IRF4: variants seen among roughly 807,000 people sequenced by gnomAD.
IRF4 encodes the protein interferon regulatory factor 4.
IRF4 carries 13 observed loss-of-function variants against 55.5 expected under a neutral mutation model. That is an observed-to-expected ratio of 0.23 (90% CI 0.15 to 0.37). IRF4 has a LOEUF of 0.37. IRF4 is among the 10% of genes least tolerant of loss of function. The pLI is 1.00. For synonymous variants in IRF4, 249 were observed against 240.7 expected, an observed-to-expected ratio of 1.03 and a Z score of -0.32; for missense variants, 397 against 593.8, an observed-to-expected ratio of 0.67 and a Z score of 3.44.
chr6:398,814 A>C lies in IRF4; in HGVS notation c.638-14A>C, dbSNP rs749637064. 6.2e-7 allele frequency: 1 copy of C among 1,600,474 alleles called. No homozygotes were observed. Among genetic ancestry groups the C allele is most frequent in the South Asian group, 1.1e-5 (1 of 90,528 alleles). On this transcript the variant is annotated splice_polypyrimidine_tract_variant and intron_variant, in intron 5 of 8. Transcript: ENST00000380956. Reference sequence around the variant, plus strand: ...TCTGTCTAGACATCATCTGATTTTTATTTGCAAATGCAGGTTGCCAGGTGA... The same window carrying C: ...TCTGTCTAGACATCATCTGATTTTTCTTTGCAAATGCAGGTTGCCAGGTGA...
intron 6 of IRF4, 25 bp from the exon 7 acceptor site, chr6:401,399 T>C (rs1761396081): frequency 6.3e-7 from 1 of 1,583,234 alleles, no homozygotes; most frequent in Admixed American, 1.7e-5. Flanking sequence ...CCCCCAGCAC[T>C]GACTCCGGAG....
At chr6:404,312 G>A (rs899648525) in intron 7 of IRF4, among the ~76,000 whole-genome samples, 3 of 152,168 alleles carry the variant, frequency 2.0e-5, no homozygotes, top group Admixed American at 2.0e-4. Context: ...GGTAGGTGTG[G>A]TGGCTTCAGG....
chr6:400,461 G>T (rs79222543), intron 6 of IRF4, among the ~76,000 whole-genome samples: 1 of 152,124 alleles, frequency 6.6e-6, no homozygotes, highest in Non-Finnish European at 1.5e-5. Context: ...TTCAGAGAGC[G>T]CAGTTTTAGA....
intron 6 of IRF4, among the ~76,000 whole-genome samples, chr6:399,982 TAAAC>T (rs1761357427): frequency 6.6e-6 from 1 of 152,162 alleles, no homozygotes. Flanking sequence ...GAGTAGGAAA[TAAAC>T]AGCTATTTAT....
At chr6:406,680 G>A (rs1313388663) in intron 8 of IRF4, 3 of 533,288 alleles carry the variant, frequency 5.6e-6, no homozygotes, top group East Asian at 1.3e-4. Flanking sequence ...TGCTGAAGAC[G>A]AGGCTGCGTG....
Position 409,091 on chromosome 6 carries a change from G to T in IRF4, c.*1493G>T, listed in dbSNP as rs1761625686. 4.6e-6 allele frequency: 1 copy of T among 216,740 alleles called. No individual in the cohort carries two copies. The highest frequency in any genetic ancestry group is 6.7e-5 in the East Asian group (1 of 14,896). The allele number at this position is 216,740 out of a possible 1,614,324, so 13.4% of individuals were successfully genotyped here. ...CCCAGGATCAGCAGAAGATTGCGTA[G>T]CTCTCAAATGTGTGTTCCTGCTTTT... On this transcript the variant is annotated 3_prime_UTR_variant, in exon 9 of 9. Transcript: ENST00000380956.
At chr6:392,111 A>C (rs1761118765) in intron 1 of IRF4, among the ~76,000 whole-genome samples, 1 of 152,146 alleles carries the variant, frequency 6.6e-6, no homozygotes, top group Non-Finnish European at 1.5e-5. Flanking sequence ...TCGGGGCCCC[A>C]GGAGTGGCTG....
intron 5 of IRF4, 38 bp from the exon 6 acceptor site, chr6:398,790 C>T (rs182699737): frequency 5.3e-6 from 8 of 1,504,348 alleles, no homozygotes; most frequent in East Asian, 2.3e-5. Context: ...GTCGGACTCT[C>T]TGTCTAGACA....
chr6:391,946 T>C (rs1404970257), intron 1 of IRF4, 137 bp downstream of exon 1: 1 of 433,660 alleles, frequency 2.3e-6, no homozygotes, highest in South Asian at 1.6e-5. Context: ...CGCCCCGTCC[T>C]GGAGCTCCGA....
chr6:407,709 G>C lies in IRF4; in HGVS notation c.*111G>C. ...GCTGGAGTGCAGTGACACAATCTCA[G>C]CTCACTGTGACCTCCGCCTCCTGGG... On this transcript the variant is annotated 3_prime_UTR_variant, in exon 9 of 9. Transcript: ENST00000380956. The C allele has an allele frequency of 9.9e-7, 1 of 1,015,134 alleles. No homozygotes were observed. Among genetic ancestry groups the C allele is most frequent in the Non-Finnish European group, 1.4e-6 (1 of 703,244 alleles). The allele number at this position is 1,015,134 out of a possible 1,614,324, so 62.9% of individuals were successfully genotyped here. A position where few individuals can be genotyped will look rare whatever the true frequency, so the allele number is the denominator to read the frequency against.
At position 393,416 on chromosome 6, in the gene IRF4, G is replaced by C; in HGVS notation, c.216+48G>C. 52 of 816,388 alleles carry C rather than the reference G, an allele frequency of 6.4e-5. No individual in the cohort carries two copies. Among genetic ancestry groups the C allele is most frequent in the Non-Finnish European group, 8.4e-5 (47 of 559,600 alleles). 50.6% of individuals were successfully genotyped at this position (816,388 alleles called of 1,614,324 possible). A position where few individuals can be genotyped will look rare whatever the true frequency, so the allele number is the denominator to read the frequency against. ...GGGGGCGCGCCGGGGAGGGCCCAGA[G>C]ACAGAGCCCGGGGTCCCCGGCGCCG... On this transcript the variant is annotated intron_variant, in intron 2 of 8. Coordinates refer to ENST00000380956, the MANE Select transcript of IRF4 (RefSeq NM_002460.4). The surrounding 1 kb of genome is among the most constrained non-coding windows in gnomAD (Gnocchi z 5.4).
intron 6 of IRF4, 98 bp downstream of exon 6, chr6:399,033 G>A: frequency 1.4e-6 from 1 of 740,698 alleles, no homozygotes; most frequent in Non-Finnish European, 2.2e-6. Flanking sequence ...TTAGACACTT[G>A]CTTTGCTCCC....
chr6:396,188 CAG>C, intron 4 of IRF4: 1 of 494,448 alleles, frequency 2.0e-6, no homozygotes, highest in African/African-American at 2.0e-5. Context: ...TTCTGGGAAA[CAG>C]ATGTTTTGTG....
At position 410,919 on chromosome 6, in the gene IRF4, G is replaced by A. The variant is rs1159265330; in HGVS notation, c.*3321G>A. ...TTGTAAGTTATGTTTTACATGCCCC[G>A]TTTTTGAGACTGATCTCGATGCAGG... On this transcript the variant is annotated 3_prime_UTR_variant, in exon 9 of 9. Coordinates refer to ENST00000380956, the MANE Select transcript of IRF4 (RefSeq NM_002460.4). The A allele has an allele frequency of 6.9e-5, 16 of 232,568 alleles. No individual in the cohort carries two copies. The highest frequency in any genetic ancestry group is 1.3e-3 in the Middle Eastern group (1 of 780). The allele number at this position is 232,568 out of a possible 1,614,324, so 14.4% of individuals were successfully genotyped here. A position where few individuals can be genotyped will look rare whatever the true frequency, so the allele number is the denominator to read the frequency against.
Position 395,938 on chromosome 6 carries a change from A to AT in IRF4, c.492+4dup. On this transcript the variant is annotated splice_donor_region_variant and intron_variant, in intron 4 of 8. Coordinates refer to ENST00000380956, the MANE Select transcript of IRF4 (RefSeq NM_002460.4). ...CTTACCCTTCGCTCCCAGCCCAGGT[A>AT]TGGTGGAGGGCACTGGGCTCCCTGA... is the stretch of plus-strand genomic sequence containing the variant. 1 of 1,610,946 alleles carries AT rather than the reference A, an allele frequency of 6.2e-7. No individual in the cohort carries two copies. The highest frequency in any genetic ancestry group is 8.5e-7 in the Non-Finnish European group (1 of 1,177,922).
In IRF4 at chr6:401,551, G is replaced by A. The variant is rs989878951; in HGVS notation, c.873G>A (p.Leu291=). 5.0e-6 allele frequency: 8 copies of A among 1,614,144 alleles called. No individual in the cohort carries two copies. Among genetic ancestry groups the A allele is most frequent in the Non-Finnish European group, 6.8e-6 (8 of 1,180,042 alleles). The change falls in exon 7 of 9, where the codon CTG becomes CTA. Residue 291 remains leucine (L), a synonymous_variant. Transcript: ENST00000380956. Reference sequence around the variant, plus strand: ...ACGCCAGCAACCTGGACCAGGTCCTGTTCCCCTACCCAGAGGACAATGGCC... The same window carrying A: ...ACGCCAGCAACCTGGACCAGGTCCTATTCCCCTACCCAGAGGACAATGGCC... ...TYDASNLDQV[L]FPYPEDNGQR... is the part of the protein sequence containing the mutation.
chr6:405,870 CTT>C (rs1197717085), intron 8 of IRF4, among the ~76,000 whole-genome samples: 1 of 152,146 alleles, frequency 6.6e-6, no homozygotes, highest in East Asian at 1.9e-4. Context: ...ACCCTTAAGA[CTT>C]TTGAATTTGA....
In IRF4 at chr6:405,005, TG is replaced by T; in HGVS notation, c.1100-10del. On this transcript the variant is annotated splice_polypyrimidine_tract_variant and intron_variant, in intron 7 of 8. Transcript: ENST00000380956. ...GTTTCTGAACATGGTCTCTTTCTTG[TG>T]GGCTTCTACAGAGCTGCAAGCGTTT... The T allele has an allele frequency of 6.4e-7, 1 of 1,555,534 alleles. No homozygotes were observed. Among genetic ancestry groups the T allele is most frequent in the Non-Finnish European group, 8.9e-7 (1 of 1,126,834 alleles).
chr6:400,749 A>T (rs981929681), intron 6 of IRF4, among the ~76,000 whole-genome samples: 2 of 151,510 alleles, frequency 1.3e-5, no homozygotes, highest in Non-Finnish European at 2.9e-5. Flanking sequence ...TTATATAGAC[A>T]TAAATAATTA....
Sources: gnomAD v4.1 joint callset for allele counts (sites outside exome capture counted in the v4.1 genomes callset) on GRCh38, gnomAD v4.1.1 for gene constraint, Gnocchi (gnomAD v3.1) non-coding constraint, MANE v1.5 for transcripts, NCBI Gene and HGNC (gene_info 2026-07-23, HGNC 2026-07-21) for gene names.